The following CLEC4D variants were observed in gnomAD, a reference collection of about 807,000 sequenced individuals.
CLEC4D encodes the protein C-type lectin domain family 4 member D.
In CLEC4D, 21 loss-of-function variants were observed where a neutral mutation model predicts 21.1. The observed-to-expected ratio is 1.00, with a 90% CI of 0.71 to 1.43. CLEC4D has a LOEUF of 1.43. CLEC4D is among the 40% of genes most tolerant of loss of function. CLEC4D has a pLI of 0.00. For synonymous variants in CLEC4D, 85 were observed against 83.1 expected (o/e 1.02, Z -0.12); for missense variants, 289 against 260.7 (o/e 1.11, Z -0.75).
downstream of CLEC4D, among the ~76,000 whole-genome samples, chr12:8,527,298 G>A (rs375661096): frequency 3.3e-5 from 5 of 152,326 alleles, no homozygotes; most frequent in East Asian, 5.8e-4. Context: ...CAGGAGGAGA[G>A]GCTAAGTCTG....
Position 8,522,302 on chromosome 12 carries a change from T to TTAATTGCACCA in CLEC4D, c.*1031_*1032insTAATTGCACCA, listed in dbSNP as rs1940468055. ...CCAGAAATTATGCTTTTCTGGTGCA[T>TTAATTGCACCA]GAAACATTAATTGCAAAGGGCAGTC... On this transcript the variant is annotated 3_prime_UTR_variant, in exon 6 of 6. Coordinates refer to ENST00000299665, the MANE Select transcript of CLEC4D (RefSeq NM_080387.5). The TTAATTGCACCA allele has an allele frequency of 6.6e-6, 1 of 152,136 alleles. No homozygotes were observed. The highest frequency in any genetic ancestry group is 2.4e-5 in the African/African-American group (1 of 41,436). 9.4% of individuals were successfully genotyped at this position (152,136 alleles called of 1,614,324 possible).
In CLEC4D at chr12:8,513,612, T is replaced by C. The variant is rs957938509; in HGVS notation, c.-121T>C. 3 of 614,128 alleles carry C rather than the reference T, an allele frequency of 4.9e-6. No individual in the cohort carries two copies. The highest frequency in any genetic ancestry group is 2.4e-5 in the South Asian group (1 of 42,444). The allele number at this position is 614,128 out of a possible 1,614,324, so 38.0% of individuals were successfully genotyped here. ...TCTAATCTCACTACAATATGTAACA[T>C]TGGTGTTCGATCTCAAGTATTTCTG... On this transcript the variant is annotated 5_prime_UTR_variant, in exon 1 of 6. Coordinates refer to ENST00000299665, the MANE Select transcript of CLEC4D (RefSeq NM_080387.5).
In CLEC4D at chr12:8,521,844, T is replaced by C. The variant is rs1292297696; in HGVS notation, c.*573T>C. The C allele has an allele frequency of 1.3e-5, 2 of 152,166 alleles. No homozygotes were observed. Among genetic ancestry groups the C allele is most frequent in the South Asian group, 2.1e-4 (1 of 4,834 alleles). 9.4% of individuals were successfully genotyped at this position (152,166 alleles called of 1,614,324 possible). A position where few individuals can be genotyped will look rare whatever the true frequency, so the allele number is the denominator to read the frequency against. On this transcript the variant is annotated 3_prime_UTR_variant, in exon 6 of 6. Coordinates refer to ENST00000299665, the MANE Select transcript of CLEC4D (RefSeq NM_080387.5). Reference sequence around the variant, plus strand: ...GTTCTGAATTATGCTGTTCTACAGATAGAAAAAAAGTCCAAATGCCTTTAA... The same window carrying C: ...GTTCTGAATTATGCTGTTCTACAGACAGAAAAAAAGTCCAAATGCCTTTAA...
chr12:8,529,177 G>A, the CLEC4D span, among the ~76,000 whole-genome samples: 1 of 152,194 alleles, frequency 6.6e-6, no homozygotes, highest in Non-Finnish European at 1.5e-5. Context: ...TTCAGATTGG[G>A]AAAGGAAGGA....
At position 8,518,340 on chromosome 12, in the gene CLEC4D, G is replaced by A. The variant is rs149215826; in HGVS notation, c.232+66G>A. ...CGTTCAAATTCATAGTCTGACTGAA[G>A]GAATGTCAGTAGTGAACCAGGAAAG... On this transcript the variant is annotated intron_variant, in intron 3 of 5. Transcript: ENST00000299665. The A allele has an allele frequency of 5.1e-3, 3,841 of 750,110 alleles. 76 individuals are homozygous for A. The highest frequency in any genetic ancestry group is 3.7e-3 in the Middle Eastern group (16 of 4,312). 46.5% of individuals were successfully genotyped at this position (750,110 alleles called of 1,614,324 possible). A position where few individuals can be genotyped will look rare whatever the true frequency, so the allele number is the denominator to read the frequency against.
At chr12:8,525,137 A>G (rs1940496597), downstream of CLEC4D, among the ~76,000 whole-genome samples, 1 of 152,224 alleles carries the variant, frequency 6.6e-6, no homozygotes, top group South Asian at 2.1e-4. Flanking sequence ...TCAATTTTAG[A>G]ATAAGTGCCA....
the CLEC4D span, among the ~76,000 whole-genome samples, chr12:8,527,621 A>G: frequency 6.6e-6 from 1 of 152,172 alleles, no homozygotes; most frequent in African/African-American, 2.4e-5. Context: ...TTTGCATGTT[A>G]AGCAGCTGTG....
At chr12:8,515,686 G>T (rs113293692) in intron 2 of CLEC4D, among the ~76,000 whole-genome samples, 277 of 152,078 alleles carry the variant, frequency 1.8e-3, no homozygotes, top group African/African-American at 6.5e-3. Flanking sequence ...AAAGAACAAG[G>T]TTGGAAGAAT....
chr12:8,523,413 A>G (rs1173761934), downstream of CLEC4D, among the ~76,000 whole-genome samples: 1 of 152,110 alleles, frequency 6.6e-6, no homozygotes, highest in Admixed American at 6.5e-5. Context: ...GGTCCTTCAC[A>G]TCCCTTGTTA....
chr12:8,518,000 C>A (rs1484621530), intron 2 of CLEC4D, among the ~76,000 whole-genome samples, 164 bp from the exon 3 acceptor site: 1 of 152,140 alleles, frequency 6.6e-6, no homozygotes. Context: ...CAATTGCTTT[C>A]AACCAATTCA....
the CLEC4D span, among the ~76,000 whole-genome samples, chr12:8,527,967 TG>T: frequency 6.6e-6 from 1 of 152,082 alleles, no homozygotes; most frequent in South Asian, 2.1e-4. Context: ...GGCTCTCAGG[TG>T]GGCCGCTGCA....
At chr12:8,522,821 C>A (rs777109814), downstream of CLEC4D, among the ~76,000 whole-genome samples, 1 of 151,870 alleles carries the variant, frequency 6.6e-6, no homozygotes, top group Non-Finnish European at 1.5e-5. Context: ...AGGGTTTTTA[C>A]GGTTTTGGGT....
At chr12:8,525,392 G>C (rs1940498496), downstream of CLEC4D, among the ~76,000 whole-genome samples, 1 of 152,140 alleles carries the variant, frequency 6.6e-6, no homozygotes, top group Non-Finnish European at 1.5e-5. Context: ...CCTGTATTGG[G>C]TGCATATACA....
At chr12:8,515,123 TC>T (rs1367397642) in intron 1 of CLEC4D, 112 bp from the exon 2 acceptor site, 7 of 629,494 alleles carry the variant, frequency 1.1e-5, no homozygotes, top group Middle Eastern at 2.6e-4. Flanking sequence ...TATGCTCTTC[TC>T]TAGATCTGAA....
intron 4 of CLEC4D, 142 bp from the exon 5 acceptor site, chr12:8,520,084 A>G: frequency 2.2e-6 from 3 of 1,338,770 alleles, no homozygotes; most frequent in Non-Finnish European, 3.0e-6. Flanking sequence ...CTAACATTAC[A>G]GGCAGGATTT....
downstream of CLEC4D, among the ~76,000 whole-genome samples, chr12:8,524,082 C>T (rs1048446419): frequency 2.0e-5 from 3 of 151,964 alleles, no homozygotes; most frequent in African/African-American, 4.8e-5. Flanking sequence ...TTTTGATGTG[C>T]TGCTGGATTC....
rs1940458431 is a variant in CLEC4D, at chr12:8,521,433, T to G, written c.*162T>G. Reference sequence around the variant, plus strand: ...TTTGTTTGATTCATTCGAGACAACATGTGTGTATGTGTGTGTGTGTGTGTG... The same window carrying G: ...TTTGTTTGATTCATTCGAGACAACAGGTGTGTATGTGTGTGTGTGTGTGTG... On this transcript the variant is annotated 3_prime_UTR_variant, in exon 6 of 6. Transcript: ENST00000299665. 2.2e-6 allele frequency: 3 copies of G among 1,360,778 alleles called. No homozygotes were observed. Among genetic ancestry groups the G allele is most frequent in the South Asian group, 3.3e-5 (2 of 60,884 alleles). 84.3% of individuals were successfully genotyped at this position (1,360,778 alleles called of 1,614,324 possible). A position where few individuals can be genotyped will look rare whatever the true frequency, so the allele number is the denominator to read the frequency against.
intron 4 of CLEC4D, 60 bp from the exon 5 acceptor site, chr12:8,520,166 C>T: frequency 6.3e-7 from 1 of 1,581,174 alleles, no homozygotes; most frequent in Non-Finnish European, 8.6e-7. Flanking sequence ...TCCTCTTTTT[C>T]CAACATCATA....
chr12:8,520,700 T>C (rs753384096), intron 5 of CLEC4D, among the ~76,000 whole-genome samples: 2 of 152,338 alleles, frequency 1.3e-5, no homozygotes, highest in Non-Finnish European at 2.9e-5. Flanking sequence ...AGTAAAAATA[T>C]AATGCAAAGC....
Sources: gnomAD v4.1 joint callset for allele counts (sites outside exome capture counted in the v4.1 genomes callset) on GRCh38, gnomAD v4.1.1 for gene constraint, MANE v1.5 for transcripts, NCBI Gene and HGNC (gene_info 2026-07-23, HGNC 2026-07-21) for gene names.